AKAP6: variants seen among roughly 807,000 people sequenced by gnomAD.
AKAP6 encodes the protein A-kinase anchor protein 6.
A neutral mutation model predicts 188.5 loss-of-function variants in AKAP6; 58 were observed. The observed-to-expected ratio is 0.31, with a 90% confidence interval of 0.25 to 0.38. AKAP6 has a LOEUF of 0.38. Ranked by LOEUF, AKAP6 falls within the 10% of genes least tolerant of loss-of-function variation. The probability of loss-of-function intolerance (pLI) is 1.00; values close to 1 mark genes in which losing one functional copy is unlikely to be tolerated. For missense variants in AKAP6, 2,710 were observed against 2,740.0 expected (o/e 0.99, Z 0.24); for synonymous variants, 989 against 998.6 (o/e 0.99, Z 0.18).
intron 7 of AKAP6, among the ~76,000 whole-genome samples, chr14:32,630,770 T>C (rs1214789668): frequency 2.0e-5 from 3 of 152,092 alleles, no homozygotes; most frequent in Non-Finnish European, 4.4e-5. Flanking sequence ...AAATAATTTA[T>C]TTTTCTTTAT....
rs543324998 is a variant in AKAP6, at chr14:32,830,684, T to C, written c.*879T>C. The C allele has an allele frequency of 4.6e-5, 7 of 152,768 alleles. No homozygotes were observed. The highest frequency in any genetic ancestry group is 1.2e-4 in the African/African-American group (5 of 41,578). 9.5% of individuals were successfully genotyped at this position (152,768 alleles called of 1,614,324 possible). The stretch of plus-strand genomic sequence containing the variant: ...ATGTATAACCAAGTACAAACATTGA[T>C]GTATAATGACAGTATAAAATGCTTT... On this transcript the variant is annotated 3_prime_UTR_variant, in exon 14 of 14. Coordinates refer to ENST00000280979, the MANE Select transcript of AKAP6 (RefSeq NM_004274.5).
At chr14:32,393,666 A>G (rs569114717) in intron 1 of AKAP6, among the ~76,000 whole-genome samples, 193 of 152,282 alleles carry the variant, frequency 1.3e-3, no homozygotes, top group South Asian at 8.1e-3. Context: ...TTGTAACTCA[A>G]AATGAAAAGT....
chr14:32,332,184 T>G (rs1205165494), intron 1 of AKAP6, among the ~76,000 whole-genome samples: 2 of 152,096 alleles, frequency 1.3e-5, no homozygotes, highest in African/African-American at 4.8e-5. Context: ...AATAAGTGAT[T>G]GGGCCAGGAT....
chr14:32,469,394 GATT>G (rs1473880560), intron 2 of AKAP6, among the ~76,000 whole-genome samples: 2 of 152,126 alleles, frequency 1.3e-5, no homozygotes, highest in African/African-American at 4.8e-5. Context: ...AAAAAAGTTA[GATT>G]ATTTGACATA....
chr14:32,516,260 TGGA>T (rs1352428511), intron 2 of AKAP6, among the ~76,000 whole-genome samples: 5 of 152,232 alleles, frequency 3.3e-5, no homozygotes, highest in African/African-American at 1.2e-4. Context: ...TTTCCCTCTT[TGGA>T]GGAGAATTAA....
Position 32,600,801 on chromosome 14 carries a change from C to T in AKAP6, c.2730+9C>T. 6.3e-7 allele frequency: 1 copy of T among 1,590,542 alleles called. No individual in the cohort carries two copies. The highest frequency in any genetic ancestry group is 8.6e-7 in the Non-Finnish European group (1 of 1,168,698). ...GGACTGGAAGCCCCAAGGTAAGTGG[C>T]TTGAAGTTTGCCTTATTTCCTCTTA... On this transcript the variant is annotated intron_variant, in intron 7 of 13. Coordinates refer to ENST00000280979, the MANE Select transcript of AKAP6 (RefSeq NM_004274.5).
intron 1 of AKAP6, among the ~76,000 whole-genome samples, chr14:32,346,200 GTGTGCATACA>G (rs1887060164): frequency 6.6e-6 from 1 of 152,180 alleles, no homozygotes; most frequent in African/African-American, 2.4e-5. Flanking sequence ...GATGCAGTGA[GTGTGCATACA>G]TGTGAAATTC....
At chr14:32,567,497 C>T (rs556921404) in intron 4 of AKAP6, among the ~76,000 whole-genome samples, 15 of 152,134 alleles carry the variant, frequency 9.9e-5, no homozygotes, top group South Asian at 8.3e-4. Flanking sequence ...TTTTCTTGCT[C>T]GTTCAGTATG....
At chr14:32,570,124 C>CTTTTTTTTT (rs60851991) in intron 4 of AKAP6, among the ~76,000 whole-genome samples, 1 of 74,808 alleles carries the variant, frequency 1.3e-5, no homozygotes, top group African/African-American at 5.2e-5. Context: ...TGTGTGGGAA[C>CTTTTTTTTT]TTTTTTTTTT....
chr14:32,762,593 T>G (rs1421951783), intron 11 of AKAP6, among the ~76,000 whole-genome samples: 1 of 152,076 alleles, frequency 6.6e-6, no homozygotes, highest in Non-Finnish European at 1.5e-5. Flanking sequence ...GGTTATTATA[T>G]TTTGGCCCTC....
chr14:32,331,255 G>A (rs892905180), intron 1 of AKAP6, among the ~76,000 whole-genome samples: 1 of 152,002 alleles, frequency 6.6e-6, no homozygotes, highest in Non-Finnish European at 1.5e-5. Flanking sequence ...CTTAATTCTT[G>A]TCTCTTTTGT....
chr14:32,371,823 G>A (rs1372945864), intron 1 of AKAP6, among the ~76,000 whole-genome samples: 1 of 152,176 alleles, frequency 6.6e-6, no homozygotes, highest in Non-Finnish European at 1.5e-5. Flanking sequence ...GATTCCAGGT[G>A]TAGTGGGGTG....
rs1425716234 is a variant in AKAP6, at chr14:32,510,430, A to ATG, written c.325-25123_325-25122insGT. ...TATATATATGTATATATATACATAT[A>ATG]TATATGTGTATATATATATACATAT... On this transcript the variant is annotated intron_variant, in intron 2 of 13. Transcript: ENST00000280979. 2.9e-3 allele frequency among the ~76,000 whole-genome samples: 226 copies of ATG among 77,348 alleles called. 2 individuals carry two copies. The highest frequency in any genetic ancestry group is 0.014 in the African/African-American group (217 of 15,792). 50.7% of individuals were successfully genotyped at this position (77,348 alleles called of 152,430 possible). A position where few individuals can be genotyped will look rare whatever the true frequency, so the allele number is the denominator to read the frequency against.
intron 12 of AKAP6, among the ~76,000 whole-genome samples, chr14:32,789,063 A>T (rs2033525024): frequency 6.6e-6 from 1 of 151,890 alleles, no homozygotes; most frequent in Non-Finnish European, 1.5e-5. Context: ...CCGTATGAAC[A>T]AGGAAGGGTC....
intron 2 of AKAP6, among the ~76,000 whole-genome samples, chr14:32,480,892 T>TA (rs1008176480): frequency 6.6e-6 from 1 of 152,174 alleles, no homozygotes; most frequent in Non-Finnish European, 1.5e-5. Flanking sequence ...TAATATATGG[T>TA]AAAGACACTT....
chr14:32,367,563 T>C (rs1259112166), intron 1 of AKAP6, among the ~76,000 whole-genome samples: 1 of 152,214 alleles, frequency 6.6e-6, no homozygotes, highest in Non-Finnish European at 1.5e-5. Flanking sequence ...TATTTGTACA[T>C]TTTTATTATA....
intron 1 of AKAP6, among the ~76,000 whole-genome samples, chr14:32,372,059 C>T (rs192798554): frequency 6.6e-6 from 1 of 151,612 alleles, no homozygotes; most frequent in East Asian, 1.9e-4. Flanking sequence ...GTACTGTGCC[C>T]TGGGGATATA....
At chr14:32,675,254 T>C (rs1889378976) in intron 7 of AKAP6, among the ~76,000 whole-genome samples, 1 of 152,222 alleles carries the variant, frequency 6.6e-6, no homozygotes, top group Non-Finnish European at 1.5e-5. Flanking sequence ...ATGGGTCTTT[T>C]AGTGACCTAG....
At chr14:32,681,062 G>A (rs1889652882) in intron 8 of AKAP6, among the ~76,000 whole-genome samples, 1 of 152,140 alleles carries the variant, frequency 6.6e-6, no homozygotes, top group Non-Finnish European at 1.5e-5. Flanking sequence ...TTTCAATTTA[G>A]GTGAAAGCAC....
Sources: gnomAD v4.1 joint callset for allele counts (sites outside exome capture counted in the v4.1 genomes callset) on GRCh38, gnomAD v4.1.1 for gene constraint, MANE v1.5 for transcripts, NCBI Gene and HGNC (gene_info 2026-07-23, HGNC 2026-07-21) for gene names.